The following ARMC8 variants were observed in gnomAD, a reference collection of about 807,000 sequenced individuals.
ARMC8 encodes the protein armadillo repeat-containing protein 8.
ARMC8 carries 20 observed loss-of-function variants against 99.3 expected under a neutral mutation model. The ratio of observed to expected loss-of-function variants is 0.20; its 90% confidence interval spans 0.14 to 0.29. The LOEUF (loss-of-function observed/expected upper bound fraction) is 0.29, where lower values mean the gene tolerates loss of function less well. Ranked by LOEUF, ARMC8 falls within the 10% of genes least tolerant of loss-of-function variation. The pLI is 1.00. For missense variants in ARMC8, 569 were observed against 809.5 expected (o/e 0.70, Z 3.60); for synonymous variants, 263 against 278.3 (o/e 0.95, Z 0.55).
chr3:138,200,951 T>TA (rs1158069616), intron 1 of ARMC8, among the ~76,000 whole-genome samples: 1 of 142,588 alleles, frequency 7.0e-6, no homozygotes, highest in Non-Finnish European at 1.5e-5. Flanking sequence ...CTCCCTCTGT[T>TA]ACCCAGGCTG....
intron 1 of ARMC8, among the ~76,000 whole-genome samples, chr3:138,191,858 G>A (rs2043403511): frequency 6.6e-6 from 1 of 152,178 alleles, no homozygotes; most frequent in Admixed American, 6.6e-5. Context: ...TTGTTAAGTA[G>A]TATTTCATGG....
At position 138,239,491 on chromosome 3, in the gene ARMC8, G is replaced by C; in HGVS notation, c.800G>C (p.Gly267Ala). 6 of 1,602,348 alleles carry C rather than the reference G, an allele frequency of 3.7e-6. No individual in the cohort carries two copies. The highest frequency in any genetic ancestry group is 5.1e-6 in the Non-Finnish European group (6 of 1,175,424). ...AKCLTYMCRA[G>A]AIRTDDNCIV... ...AGTTTAACTTACATGTGTAGAGCTG[G>C]AGCAATTCGGACAGATGATAACTGT... The change falls in exon 10 of 22, where the codon GGA becomes GCA. Residue 267 changes from glycine to alanine, a missense_variant. This residue lies in a region of ARMC8 where 342 missense variants were observed against 391.6 expected (regional missense o/e 0.87). Coordinates refer to ENST00000469044, the MANE Select transcript of ARMC8 (RefSeq NM_001363941.2).
intron 5 of ARMC8, chr3:138,228,558 A>G (rs2045814069): frequency 1.7e-5 from 6 of 361,848 alleles, no homozygotes; most frequent in South Asian, 1.3e-4. Context: ...TCTTCCTTAT[A>G]AACTATTTAC....
chr3:138,266,743 A>G (rs958850637), intron 14 of ARMC8, among the ~76,000 whole-genome samples: 1 of 152,160 alleles, frequency 6.6e-6, no homozygotes, highest in Non-Finnish European at 1.5e-5. Context: ...CTCCTGGTCA[A>G]ACAAGCCCTT....
chr3:138,282,635 C>CAAA (rs760470914), intron 18 of ARMC8, among the ~76,000 whole-genome samples: 3 of 47,504 alleles, frequency 6.3e-5, no homozygotes, highest in African/African-American at 1.4e-4. Flanking sequence ...GACTCCATCT[C>CAAA]AAAAAAAAAA....
intron 1 of ARMC8, among the ~76,000 whole-genome samples, chr3:138,202,651 A>G (rs985042696): frequency 5.3e-5 from 8 of 152,192 alleles, no homozygotes; most frequent in Non-Finnish European, 1.2e-4. Context: ...CCTTTTTCCA[A>G]AGTTGCATAG....
intron 15 of ARMC8, among the ~76,000 whole-genome samples, chr3:138,268,100 G>A (rs925211126): frequency 3.3e-5 from 5 of 152,052 alleles, no homozygotes; most frequent in South Asian, 2.1e-4. Flanking sequence ...AAAATTAGCC[G>A]GGGGTGGTGG....
At chr3:138,204,987 C>G (rs554015648) in intron 1 of ARMC8, among the ~76,000 whole-genome samples, 1 of 151,974 alleles carries the variant, frequency 6.6e-6, no homozygotes, top group African/African-American at 2.4e-5. Context: ...TTTGATCTTC[C>G]CAGTCAAATT....
intron 18 of ARMC8, among the ~76,000 whole-genome samples, chr3:138,276,661 T>A (rs774908367): frequency 6.1e-4 from 93 of 152,188 alleles, no homozygotes; most frequent in Non-Finnish European, 2.4e-4. Context: ...TATTAAACAG[T>A]ACCATTTGCA....
chr3:138,228,879 G>C, intron 5 of ARMC8, 39 bp from the exon 6 acceptor site: 1 of 1,233,820 alleles, frequency 8.1e-7, no homozygotes, highest in South Asian at 1.2e-5. Flanking sequence ...ATGTACTCAT[G>C]GTGCCTGAGT....
At chr3:138,222,067 T>C in intron 3 of ARMC8, 70 bp downstream of exon 3, 1 of 1,185,172 alleles carries the variant, frequency 8.4e-7, no homozygotes. Flanking sequence ...CTCTCAATTA[T>C]AGAACCCATT....
intron 12 of ARMC8, among the ~76,000 whole-genome samples, chr3:138,260,042 G>C (rs1292658044): frequency 6.6e-6 from 1 of 152,162 alleles, no homozygotes; most frequent in Non-Finnish European, 1.5e-5. Context: ...CTGTGAGTTT[G>C]GTAGAAGCAA....
At chr3:138,240,705 A>G (rs999347874) in intron 10 of ARMC8, among the ~76,000 whole-genome samples, 2 of 152,264 alleles carry the variant, frequency 1.3e-5, no homozygotes, top group Non-Finnish European at 2.9e-5. Flanking sequence ...AAGATATAAT[A>G]GGAACTTATT....
chr3:138,287,706 C>T (rs1328090756), intron 19 of ARMC8: 1 of 456,654 alleles, frequency 2.2e-6, no homozygotes, highest in South Asian at 1.5e-5. Context: ...TAGAATTCTA[C>T]TGGAGGAAGC....
At chr3:138,196,261 G>A (rs771302928) in intron 1 of ARMC8, among the ~76,000 whole-genome samples, 1 of 152,074 alleles carries the variant, frequency 6.6e-6, no homozygotes, top group Admixed American at 6.6e-5. Context: ...CTTCTGAGAC[G>A]GTGAGAATTA....
At chr3:138,222,361 C>T (rs1433132477) in intron 3 of ARMC8, among the ~76,000 whole-genome samples, 1 of 152,064 alleles carries the variant, frequency 6.6e-6, no homozygotes, top group Non-Finnish European at 1.5e-5. Flanking sequence ...GCCTTAAGAC[C>T]TTTTTGAATT....
chr3:138,197,971 A>G (rs2043834850), intron 1 of ARMC8, among the ~76,000 whole-genome samples: 1 of 152,226 alleles, frequency 6.6e-6, no homozygotes, highest in Non-Finnish European at 1.5e-5. Flanking sequence ...TCTTGTGACC[A>G]CCAAGCATTT....
intron 1 of ARMC8, among the ~76,000 whole-genome samples, chr3:138,198,377 A>T (rs565630318): frequency 1.3e-5 from 2 of 152,162 alleles, no homozygotes; most frequent in Admixed American, 6.5e-5. Flanking sequence ...TTATTGAGGA[A>T]AACTGAAAAC....
At chr3:138,210,102 A>G (rs987881601) in intron 2 of ARMC8, among the ~76,000 whole-genome samples, 12 of 152,162 alleles carry the variant, frequency 7.9e-5, no homozygotes, top group Admixed American at 3.9e-4. Flanking sequence ...GGTTAGCTTC[A>G]TTTTTTGTAG....
Sources: allele counts gnomAD v4.1 joint callset (sites outside exome capture counted in the v4.1 genomes callset), GRCh38; gene constraint gnomAD v4.1.1; regional missense constraint gnomAD v4.1.1; transcripts MANE v1.5; gene names NCBI Gene and HGNC (gene_info 2026-07-23, HGNC 2026-07-21).